The following VRK1 variants were observed in gnomAD, a reference collection of about 807,000 sequenced individuals.
VRK1 encodes the protein VRK serine/threonine kinase 1, also known as serine/threonine-protein kinase VRK1.
Under a neutral mutation model 57.1 loss-of-function variants are expected in VRK1, and 33 were observed. The ratio of observed to expected loss-of-function variants is 0.58; its 90% CI spans 0.44 to 0.77. The LOEUF (loss-of-function observed/expected upper bound fraction) is 0.77, where lower values mean the gene tolerates loss of function less well. VRK1 is among the 30% of genes least tolerant of loss of function. VRK1 has a pLI of 0.00. For missense variants in VRK1, 413 were observed against 477.3 expected (o/e 0.87, Z 1.25); for synonymous variants, 137 against 147.8 (o/e 0.93, Z 0.53).
At chr14:96,871,230 A>G (rs958578971) in intron 11 of VRK1, among the ~76,000 whole-genome samples, 4 of 152,166 alleles carry the variant, frequency 2.6e-5, no homozygotes, top group African/African-American at 9.7e-5. Context: ...TAATCATTTT[A>G]TTTTGCTAAC....
chr14:96,856,248 T>C lies in VRK1; in HGVS notation c.828T>C (p.Ile276=), dbSNP rs1334577291. The change falls in exon 9 of 13, where the codon ATT becomes ATC. Residue 276 remains isoleucine (I), a splice_region_variant and synonymous_variant. Coordinates refer to ENST00000216639, the MANE Select transcript of VRK1 (RefSeq NM_003384.3). ...KDPKYVRDSK[I]RYRENIASLM... ...CTAAATATGTTAGAGATTCCAAAAT[T>C]AGGTAAAGGAAAACTTAAGTTATTT... The C allele has an allele frequency of 1.2e-5, 20 of 1,612,748 alleles. No individual in the cohort carries two copies. Among genetic ancestry groups the C allele is most frequent in the Non-Finnish European group, 1.6e-5 (19 of 1,179,672 alleles).
In VRK1 at chr14:96,864,399, T is replaced by C. The variant is rs146095574; in HGVS notation, c.1068+3664T>C. Among the ~76,000 whole-genome samples, 129 of 152,326 alleles carry C rather than the reference T, an allele frequency of 8.5e-4. 1 individual carries two copies. Among genetic ancestry groups the C allele is most frequent in the African/African-American group, 3.0e-3 (124 of 41,590 alleles). ...AATGGTATCATATATTACATACTCT[T>C]TTGTTTCTTTCATTTAATTGTATCT... On this transcript the variant is annotated intron_variant, in intron 11 of 12. Coordinates refer to ENST00000216639, the MANE Select transcript of VRK1 (RefSeq NM_003384.3).
At chr14:96,865,312 G>A (rs558698552) in intron 11 of VRK1, among the ~76,000 whole-genome samples, 10 of 152,176 alleles carry the variant, frequency 6.6e-5, no homozygotes, top group African/African-American at 2.2e-4. Flanking sequence ...AAAGACGATC[G>A]TGTCCTTACA....
At chr14:96,846,820 C>T (rs763865347) in intron 4 of VRK1, among the ~76,000 whole-genome samples, 1 of 151,410 alleles carries the variant, frequency 6.6e-6, no homozygotes, top group Non-Finnish European at 1.5e-5. Flanking sequence ...CATTGTATTA[C>T]ATATTATAAG....
intron 2 of VRK1, among the ~76,000 whole-genome samples, chr14:96,837,362 C>T (rs1488331347): frequency 6.6e-6 from 1 of 152,176 alleles, no homozygotes; most frequent in Non-Finnish European, 1.5e-5. Flanking sequence ...TCATTTCTTA[C>T]TCTTCAGATG....
At chr14:96,809,566 C>CT (rs771612474) in intron 1 of VRK1, among the ~76,000 whole-genome samples, 10 of 136,772 alleles carry the variant, frequency 7.3e-5, no homozygotes, top group Non-Finnish European at 1.3e-4. Flanking sequence ...TGCTTGCTTG[C>CT]TTTCTTTTTT....
chr14:96,857,784 A>C (rs759163809), intron 10 of VRK1, among the ~76,000 whole-genome samples: 4 of 151,986 alleles, frequency 2.6e-5, no homozygotes, highest in Admixed American at 1.3e-4. Flanking sequence ...ATTGCAACCT[A>C]CTCCCCATAT....
intron 1 of VRK1, among the ~76,000 whole-genome samples, chr14:96,805,077 G>A (rs1317571932): frequency 1.3e-4 from 20 of 152,136 alleles, no homozygotes; most frequent in Admixed American, 1.2e-3. Flanking sequence ...TTCATAAATC[G>A]GTCCAATGAG....
chr14:96,845,746 C>T (rs1887658710), intron 3 of VRK1, among the ~76,000 whole-genome samples: 1 of 151,878 alleles, frequency 6.6e-6, no homozygotes, highest in Admixed American at 6.6e-5. Flanking sequence ...ATCTTATAGC[C>T]CCTTGGTGAT....
chr14:96,880,471 T>C (rs1454719483), intron 12 of VRK1, among the ~76,000 whole-genome samples: 5 of 152,218 alleles, frequency 3.3e-5, no homozygotes, highest in Non-Finnish European at 7.3e-5. Context: ...GGCTAACTGC[T>C]GTACCCAGAG....
Position 96,860,913 on chromosome 14 carries a change from A to T in VRK1, c.1068+178A>T. The T allele has an allele frequency of 7.5e-6, 4 of 532,828 alleles. No individual in the cohort carries two copies. The South Asian group carries it at 1.3e-4, about 17-fold the overall frequency. 33.0% of individuals were successfully genotyped at this position (532,828 alleles called of 1,614,324 possible). On this transcript the variant is annotated intron_variant, in intron 11 of 12. Coordinates refer to ENST00000216639, the MANE Select transcript of VRK1 (RefSeq NM_003384.3). ...GGGTTGTAGAAAAATAAATATTTAT[A>T]TATTTCTTATGTTTAGTAGCAAGTT...
intron 2 of VRK1, among the ~76,000 whole-genome samples, chr14:96,836,648 G>A (rs1007312115): frequency 2.0e-5 from 3 of 149,422 alleles, no homozygotes; most frequent in Non-Finnish European, 3.0e-5. Flanking sequence ...TCAGCCTCCC[G>A]AAGTAGCTGG....
intron 1 of VRK1, among the ~76,000 whole-genome samples, chr14:96,798,350 A>G (rs1422940107): frequency 6.6e-6 from 1 of 152,196 alleles, no homozygotes; most frequent in Non-Finnish European, 1.5e-5. Flanking sequence ...GACAGACAGC[A>G]GCAGAGTCAG....
At chr14:96,825,931 G>C (rs1033778778) in intron 1 of VRK1, among the ~76,000 whole-genome samples, 1 of 152,042 alleles carries the variant, frequency 6.6e-6, no homozygotes, top group Non-Finnish European at 1.5e-5. Context: ...AGTATATAAC[G>C]AGCTTTATTC....
intron 1 of VRK1, among the ~76,000 whole-genome samples, chr14:96,799,681 CGT>C: frequency 6.6e-6 from 1 of 152,264 alleles, no homozygotes; most frequent in African/African-American, 2.4e-5. Flanking sequence ...CCTCTTTGTG[CGT>C]GTGAGTGAGG....
chr14:96,833,653 A>G lies in VRK1; in HGVS notation c.160+22A>G, dbSNP rs375336911. On this transcript the variant is annotated intron_variant, in intron 2 of 12. Transcript: ENST00000216639. The stretch of plus-strand genomic sequence containing the variant: ...CTTGGTAAGTGTGTGACTGCTTCTA[A>G]TGATCAATCCAAAGATTTATATGTT... The G allele has an allele frequency of 6.0e-5, 96 of 1,613,156 alleles. No homozygotes were observed. The African/African-American group carries it at 1.2e-3, about 20-fold the overall frequency.
In VRK1 at chr14:96,879,050, A is replaced by G. The variant is rs548282907; in HGVS notation, c.1160-2127A>G. Among the ~76,000 whole-genome samples the G allele has an allele frequency of 2.6e-5, 4 of 152,232 alleles. No homozygotes were observed. In the South Asian group the frequency reaches 8.3e-4, roughly 32 times the overall value. ...AAGCATGACTAGTCAAAAAGTAGAT[A>G]TTTTTAAGGGAACCCTACAAAGAAA... On this transcript the variant is annotated intron_variant, in intron 12 of 12. Coordinates refer to ENST00000216639, the MANE Select transcript of VRK1 (RefSeq NM_003384.3).
chr14:96,813,711 G>A (rs1214633271), intron 1 of VRK1, among the ~76,000 whole-genome samples: 1 of 151,918 alleles, frequency 6.6e-6, no homozygotes. Context: ...CTATTTTTAT[G>A]GCATTTATAT....
Position 96,856,060 on chromosome 14 carries a change from TTA to T in VRK1, c.710-63_710-62del. 3 of 1,543,922 alleles carry T rather than the reference TTA, an allele frequency of 1.9e-6. No individual in the cohort carries two copies. In the Admixed American group the frequency reaches 5.1e-5, roughly 26 times the overall value. Reference sequence around the variant, plus strand: ...AGTTGACTTGTTTTATGTTATTACTTTATATATACTTTAAATTATACATTAAA... The same window carrying T: ...AGTTGACTTGTTTTATGTTATTACTTTATATACTTTAAATTATACATTAAA... On this transcript the variant is annotated intron_variant, in intron 8 of 12. Transcript: ENST00000216639.
Sources: allele counts gnomAD v4.1 joint callset (sites outside exome capture counted in the v4.1 genomes callset), GRCh38; gene constraint gnomAD v4.1.1; transcripts MANE v1.5; gene names NCBI Gene and HGNC (gene_info 2026-07-23, HGNC 2026-07-21).